Variants in TRIM37 observed in about 807,000 individuals in gnomAD.
The protein encoded by TRIM37 is E3 ubiquitin-protein ligase TRIM37.
TRIM37 carries 80 observed loss-of-function variants against 129.8 expected under a neutral mutation model. That is an observed-to-expected ratio of 0.62 (90% CI 0.51 to 0.74). The LOEUF (loss-of-function observed/expected upper bound fraction) is 0.74, where lower values mean the gene tolerates loss of function less well. TRIM37 is among the 30% of genes least tolerant of loss of function. TRIM37 has a pLI of 0.00. For synonymous variants in TRIM37, 389 were observed against 387.1 expected (o/e 1.00, Z -0.06); for missense variants, 1,054 against 1,176.5 (o/e 0.90, Z 1.52).
intron 22 of TRIM37, among the ~76,000 whole-genome samples, chr17:59,010,226 T>A (rs914211968): frequency 8.5e-5 from 13 of 152,194 alleles, no homozygotes; most frequent in African/African-American, 3.1e-4. Context: ...AGGAAACATG[T>A]GGCAATGACT....
chr17:59,002,736 A>C, intron 22 of TRIM37, among the ~76,000 whole-genome samples: 1 of 152,226 alleles, frequency 6.6e-6, no homozygotes, highest in East Asian at 1.9e-4. Context: ...AAGAAAGATA[A>C]GGAACTTTCA....
intron 13 of TRIM37, among the ~76,000 whole-genome samples, chr17:59,051,876 G>A (rs990796122): frequency 3.3e-5 from 5 of 151,514 alleles, no homozygotes; most frequent in East Asian, 1.9e-4. Context: ...GACTACAGGC[G>A]CCCGCCACTA....
Position 58,999,046 on chromosome 17 carries a change from C to A in TRIM37, c.*331G>T. On this transcript the variant is annotated 3_prime_UTR_variant, in exon 24 of 24. Coordinates refer to ENST00000262294, the MANE Select transcript of TRIM37 (RefSeq NM_015294.6). ...GCGGGTTACTGACGGCATGCAGGGC[C>A]TGGAGGTACATTTTCTGGCAGTTAA... 8.6e-7 allele frequency: 1 copy of A among 1,162,288 alleles called. No homozygotes were observed. The allele number at this position is 1,162,288 out of a possible 1,614,324, so 72.0% of individuals were successfully genotyped here.
intron 15 of TRIM37, 24 bp from the exon 16 acceptor site, chr17:59,047,843 G>A: frequency 6.2e-7 from 1 of 1,613,140 alleles, no homozygotes; most frequent in Admixed American, 1.7e-5. Flanking sequence ...AAGAAAACAA[G>A]ACGTCTATTC....
At chr17:59,022,572 C>T (rs1419024087) in intron 19 of TRIM37, among the ~76,000 whole-genome samples, 1 of 152,210 alleles carries the variant, frequency 6.6e-6, no homozygotes, top group Non-Finnish European at 1.5e-5. Flanking sequence ...TTGGTTTCCT[C>T]ATCTGTAAAT....
intron 24 of TRIM37, among the ~76,000 whole-genome samples, chr17:58,990,726 G>C (rs981191284): frequency 2.7e-5 from 4 of 150,612 alleles, no homozygotes; most frequent in African/African-American, 9.8e-5. Context: ...GGGAGGCAGA[G>C]GTTGCAGTGA....
intron 19 of TRIM37, among the ~76,000 whole-genome samples, chr17:59,019,402 T>C (rs1305583500): frequency 6.6e-6 from 1 of 152,124 alleles, no homozygotes; most frequent in Non-Finnish European, 1.5e-5. Context: ...AGACCTCATA[T>C]GGTATGAGTC....
At chr17:59,048,405 T>C (rs2040018924) in intron 15 of TRIM37, among the ~76,000 whole-genome samples, 1 of 152,110 alleles carries the variant, frequency 6.6e-6, no homozygotes, top group Non-Finnish European at 1.5e-5. Flanking sequence ...TAAAAATTAC[T>C]ACAAAAAAAC....
At chr17:59,058,619 A>G (rs1180159511) in intron 12 of TRIM37, among the ~76,000 whole-genome samples, 1 of 152,218 alleles carries the variant, frequency 6.6e-6, no homozygotes, top group African/African-American at 2.4e-5. Context: ...GCACTTTAAG[A>G]GACCGAGGTG....
chr17:58,993,419 T>G (rs1039169872), downstream of TRIM37, among the ~76,000 whole-genome samples: 1 of 152,212 alleles, frequency 6.6e-6, no homozygotes, highest in Non-Finnish European at 1.5e-5. Context: ...GGCAAATGAA[T>G]GAACAGTGGT....
downstream of TRIM37, chr17:58,980,737 A>G (rs2031307054): frequency 1.9e-6 from 3 of 1,614,146 alleles, no homozygotes; most frequent in East Asian, 6.7e-5. The surrounding 1 kb of genome is among the most constrained non-coding windows in gnomAD (Gnocchi z 4.7). Context: ...AACAGTTCAA[A>G]TCCCCGGGAA....
Position 59,106,860 on chromosome 17 carries a change from C to G in TRIM37, c.-399G>C. 1 of 324,310 alleles carries G rather than the reference C, an allele frequency of 3.1e-6. No individual in the cohort carries two copies. The highest frequency in any genetic ancestry group is 3.7e-5 in the South Asian group (1 of 27,212). The allele number at this position is 324,310 out of a possible 1,614,324, so 20.1% of individuals were successfully genotyped here. A position where few individuals can be genotyped will look rare whatever the true frequency, so the allele number is the denominator to read the frequency against. ...CAACCGTAACCAGAGCAGCTGGGGG[C>G]GCGGCGGCGAGAGAAGCTGCGAAGC... is the stretch of plus-strand genomic sequence containing the variant. On this transcript the variant is annotated 5_prime_UTR_variant, in exon 1 of 24. Coordinates refer to ENST00000262294, the MANE Select transcript of TRIM37 (RefSeq NM_015294.6).
At position 59,081,937 on chromosome 17, in the gene TRIM37, C is replaced by CA. The variant is rs1157296161; in HGVS notation, c.370-719dup. Among the ~76,000 whole-genome samples the CA allele has an allele frequency of 4.3e-3, 209 of 48,878 alleles. 2 individuals carry two copies. Among genetic ancestry groups the CA allele is most frequent in the East Asian group, 0.012 (25 of 2,044 alleles). 32.1% of individuals were successfully genotyped at this position (48,878 alleles called of 152,430 possible). A position where few individuals can be genotyped will look rare whatever the true frequency, so the allele number is the denominator to read the frequency against. On this transcript the variant is annotated intron_variant, in intron 5 of 23. Coordinates refer to ENST00000262294, the MANE Select transcript of TRIM37 (RefSeq NM_015294.6). ...ATAATAATTTTTTAATAATAAAAAC[C>CA]AAAAAAAAAAAAAAATAAAAAAAAA...
chr17:59,091,458 A>AATATATAATATTCATATATATAT (rs1568229489), intron 2 of TRIM37, 118 bp from the exon 3 acceptor site: 1 of 185,170 alleles, frequency 5.4e-6, no homozygotes, highest in Admixed American at 7.4e-5. Context: ...ATAATATATA[A>AATATATAATATTCATATATATAT]ATATATAATA....
At chr17:58,972,495 CAT>C in the TRIM37 span, among the ~76,000 whole-genome samples, 1 of 152,112 alleles carries the variant, frequency 6.6e-6, no homozygotes, top group Non-Finnish European at 1.5e-5. Context: ...GGATTACAGG[CAT>C]GTGCCACCAC....
intron 13 of TRIM37, among the ~76,000 whole-genome samples, chr17:59,051,794 G>C (rs1028411099): frequency 6.6e-6 from 1 of 151,636 alleles, no homozygotes. Flanking sequence ...GCAGTGGCGG[G>C]ATCTCGGCTC....
intron 8 of TRIM37, among the ~76,000 whole-genome samples, chr17:59,071,929 A>T (rs189930207): frequency 5.9e-4 from 90 of 152,352 alleles, no homozygotes; most frequent in Non-Finnish European, 8.4e-4. Flanking sequence ...ATGAAGCTAT[A>T]GTGAAAAAGC....
At chr17:59,019,601 G>A (rs1057158811) in intron 19 of TRIM37, among the ~76,000 whole-genome samples, 2 of 152,020 alleles carry the variant, frequency 1.3e-5, no homozygotes, top group Non-Finnish European at 2.9e-5. Context: ...CCAGCTACTT[G>A]GGAGGCTGAG....
downstream of TRIM37, chr17:58,980,536 G>A (rs1352076237): frequency 3.7e-6 from 6 of 1,614,204 alleles, no homozygotes; most frequent in South Asian, 6.6e-5. The surrounding 1 kb of genome is among the most constrained non-coding windows in gnomAD (Gnocchi z 4.7). Context: ...CAGTTGAGAT[G>A]TTTGGTCCTG....
Sources: allele counts gnomAD v4.1 joint callset (sites outside exome capture counted in the v4.1 genomes callset), GRCh38; gene constraint gnomAD v4.1.1; non-coding constraint Gnocchi (gnomAD v3.1); transcripts MANE v1.5; gene names NCBI Gene and HGNC (gene_info 2026-07-23, HGNC 2026-07-21).